The following APBA1 variants were observed in gnomAD, a reference collection of about 807,000 sequenced individuals.
APBA1 encodes the protein amyloid-beta A4 precursor protein-binding family A member 1.
In APBA1, 55 loss-of-function variants were observed where a neutral mutation model predicts 86.6. The ratio of observed to expected loss-of-function variants is 0.64; its 90% CI spans 0.51 to 0.80. APBA1 has a LOEUF of 0.80. APBA1 is among the 30% of genes least tolerant of loss of function. APBA1 has a pLI of 0.00. For missense variants in APBA1, 1,090 were observed against 1,183.0 expected, an observed-to-expected ratio of 0.92 and a Z score of 1.15; for synonymous variants, 511 against 493.9, an observed-to-expected ratio of 1.03 and a Z score of -0.46.
At chr9:69,471,547 T>G (rs1835367064) in intron 4 of APBA1, 109 bp downstream of exon 4, 4 of 878,066 alleles carry the variant, frequency 4.6e-6, no homozygotes, top group Non-Finnish European at 7.5e-6. Context: ...ATAAGTGACT[T>G]TGTGGCCTTT....
chr9:69,552,472 C>T (rs535073126), intron 1 of APBA1, among the ~76,000 whole-genome samples: 1 of 152,190 alleles, frequency 6.6e-6, no homozygotes, highest in Non-Finnish European at 1.5e-5. Context: ...TCCCCCACTA[C>T]CCCCATGGAG....
intron 1 of APBA1, among the ~76,000 whole-genome samples, chr9:69,557,493 C>T (rs1339279053): frequency 6.6e-6 from 1 of 152,200 alleles, no homozygotes; most frequent in Non-Finnish European, 1.5e-5. Context: ...TCTTCCTCCT[C>T]CTCACCCGCT....
intron 2 of APBA1, among the ~76,000 whole-genome samples, chr9:69,477,264 G>A (rs992141936): frequency 4.6e-5 from 7 of 151,442 alleles, no homozygotes; most frequent in African/African-American, 9.7e-5. Context: ...GTGGGTGCGC[G>A]CACCGTGCGC....
At chr9:69,458,313 G>A (rs1026598052) in intron 5 of APBA1, 125 bp from the exon 6 acceptor site, 4 of 744,206 alleles carry the variant, frequency 5.4e-6, no homozygotes, top group South Asian at 2.9e-5. Flanking sequence ...GTGGGAGGAG[G>A]ACTGGCTTTT....
intron 1 of APBA1, among the ~76,000 whole-genome samples, chr9:69,549,916 G>A (rs1427718794): frequency 3.3e-5 from 5 of 152,090 alleles, no homozygotes; most frequent in African/African-American, 9.7e-5. Flanking sequence ...ACAGGCTTTC[G>A]ATCCTAAAGA....
chr9:69,490,636 G>T (rs7022633), intron 2 of APBA1, among the ~76,000 whole-genome samples: 22,932 of 151,896 alleles, frequency 0.15, 2,353 homozygotes, highest in East Asian at 0.28. Flanking sequence ...CTTCTGCACA[G>T]CAAAAGAAAC....
chr9:69,496,228 TCA>T (rs1835792706), intron 2 of APBA1, among the ~76,000 whole-genome samples: 1 of 152,068 alleles, frequency 6.6e-6, no homozygotes, highest in African/African-American at 2.4e-5. Context: ...AATCAGCCTC[TCA>T]GTGATCTGTG....
At chr9:69,530,386 A>T (rs1020202285) in intron 1 of APBA1, among the ~76,000 whole-genome samples, 1 of 151,696 alleles carries the variant, frequency 6.6e-6, no homozygotes, top group African/African-American at 2.4e-5. Flanking sequence ...CTATGCAGCC[A>T]TAAAAAAGAA....
chr9:69,523,751 A>G (rs1836300826), intron 1 of APBA1, among the ~76,000 whole-genome samples: 1 of 151,832 alleles, frequency 6.6e-6, no homozygotes, highest in Non-Finnish European at 1.5e-5. Context: ...GGAATACTTC[A>G]CCCATTAACC....
In APBA1 at chr9:69,440,565, C is replaced by T. The variant is rs550724407; in HGVS notation, c.2301+431G>A. Among the ~76,000 whole-genome samples, 115 of 152,260 alleles carry T rather than the reference C, an allele frequency of 7.6e-4. 1 individual carries two copies. In the South Asian group the frequency reaches 0.023, roughly 30 times the overall value. On this transcript the variant is annotated intron_variant, in intron 11 of 12. Coordinates refer to ENST00000265381, the MANE Select transcript of APBA1 (RefSeq NM_001163.4). ...CTAGCAATGAGTGAGGCTCCATGGG[C>T]GTAGGACCCTCCGAGCCAGGTGTGG...
intron 1 of APBA1, among the ~76,000 whole-genome samples, chr9:69,552,975 A>G (rs547683728): frequency 6.7e-6 from 1 of 149,044 alleles, no homozygotes; most frequent in Admixed American, 6.8e-5. Context: ...ACAATCTCAG[A>G]TCATTGCAGC....
In APBA1 at chr9:69,625,653, C is replaced by T. The variant is rs1180895119; in HGVS notation, c.-70+46500G>A. On this transcript the variant is annotated intron_variant, in intron 1 of 12. Coordinates refer to ENST00000265381, the MANE Select transcript of APBA1 (RefSeq NM_001163.4). The stretch of plus-strand genomic sequence containing the variant: ...GACTCAATTAGTTTAAATCACTGTC[C>T]TCTGCTGGGCTAATTTAGTTAAAAT... Among the ~76,000 whole-genome samples the T allele has an allele frequency of 5.3e-5, 8 of 152,258 alleles. No homozygotes were observed. The East Asian group carries it at 5.8e-4, about 11-fold the overall frequency.
chr9:69,611,999 CT>C (rs1157275993), intron 1 of APBA1, among the ~76,000 whole-genome samples: 3 of 152,076 alleles, frequency 2.0e-5, no homozygotes, highest in Non-Finnish European at 4.4e-5. Flanking sequence ...CCACTTTTGT[CT>C]GGTTTTGCTA....
intron 1 of APBA1, among the ~76,000 whole-genome samples, chr9:69,619,244 G>C (rs1172022952): frequency 6.6e-6 from 1 of 152,150 alleles, no homozygotes; most frequent in Non-Finnish European, 1.5e-5. Flanking sequence ...TTACATTCAT[G>C]AAAATGACCC....
chr9:69,621,093 T>C (rs1366724832), intron 1 of APBA1, among the ~76,000 whole-genome samples: 2 of 152,308 alleles, frequency 1.3e-5, no homozygotes, highest in African/African-American at 2.4e-5. Context: ...GATAGGACTT[T>C]TGGTAAAAAT....
rs199574638 is a variant in APBA1, at chr9:69,476,138, C to T, written c.1206G>A (p.Pro402=). Residue 402 remains proline (P), a synonymous_variant, in exon 3 of 13, where the codon CCG becomes CCA. Transcript: ENST00000265381. The stretch of plus-strand genomic sequence containing the variant: ...CCAAGGGGGAGGAGCTGCCAGGAGA[C>T]GGAGACTAGAACACAGCAAGAGGAA... ...DDQRPMDGDS[P]SPGSSSPLGA... The T allele has an allele frequency of 6.0e-5, 97 of 1,612,288 alleles. 3 individuals carry two copies. In the South Asian group the frequency reaches 7.0e-4, roughly 12 times the overall value.
intron 1 of APBA1, among the ~76,000 whole-genome samples, chr9:69,539,516 A>C (rs552242704): frequency 6.6e-6 from 1 of 152,292 alleles, no homozygotes; most frequent in Admixed American, 6.5e-5. Context: ...CATTGCAACC[A>C]CCAGCATCTT....
At chr9:69,517,643 A>T (rs1478356585) in intron 1 of APBA1, among the ~76,000 whole-genome samples, 2 of 152,244 alleles carry the variant, frequency 1.3e-5, no homozygotes, top group Admixed American at 1.3e-4. Context: ...GCTAACAGAT[A>T]AATCTCTCCA....
At chr9:69,658,222 C>CTCTTTCTT (rs1212486587) in intron 1 of APBA1, among the ~76,000 whole-genome samples, 74 of 104,286 alleles carry the variant, frequency 7.1e-4, no homozygotes, top group African/African-American at 1.6e-3. Flanking sequence ...AGTCCTTTCT[C>CTCTTTCTT]TCTTTCTTTC....
Sources: allele counts gnomAD v4.1 joint callset (sites outside exome capture counted in the v4.1 genomes callset), GRCh38; gene constraint gnomAD v4.1.1; transcripts MANE v1.5; gene names NCBI Gene and HGNC (gene_info 2026-07-23, HGNC 2026-07-21).